The following SCARB2 variants were observed in gnomAD, a reference collection of about 807,000 sequenced individuals.
The protein encoded by SCARB2 is scavenger receptor class B member 2.
Under a neutral mutation model 58.6 loss-of-function variants are expected in SCARB2, and 29 were observed. The observed-to-expected ratio is 0.49, with a 90% CI of 0.37 to 0.67. SCARB2 has a LOEUF of 0.67. Ranked by LOEUF, SCARB2 falls within the 30% of genes least tolerant of loss-of-function variation. The probability of loss-of-function intolerance (pLI) is 0.00; values close to 1 mark genes in which losing one functional copy is unlikely to be tolerated. For synonymous variants in SCARB2, 195 were observed against 210.1 expected, an observed-to-expected ratio of 0.93 and a Z score of 0.62; for missense variants, 488 against 578.5, an observed-to-expected ratio of 0.84 and a Z score of 1.60.
intron 1 of SCARB2, among the ~76,000 whole-genome samples, chr4:76,208,615 G>T (rs1448714029): frequency 6.6e-6 from 1 of 152,208 alleles, no homozygotes; most frequent in Non-Finnish European, 1.5e-5. Flanking sequence ...AGGAAAAAGT[G>T]GGAGGCAGAG....
At chr4:76,180,725 CA>C (rs1204226785) in intron 3 of SCARB2, 18 of 295,482 alleles carry the variant, frequency 6.1e-5, no homozygotes, top group Non-Finnish European at 9.2e-5. Context: ...ATTATGAAAA[CA>C]AATCCTAAAA....
At chr4:76,218,858 T>C (rs1196100584) in intron 1 of SCARB2, among the ~76,000 whole-genome samples, 2 of 152,178 alleles carry the variant, frequency 1.3e-5, no homozygotes, top group African/African-American at 4.8e-5. Flanking sequence ...TCAGCAATAT[T>C]ATCTGCTACT....
At position 76,166,235 on chromosome 4, in the gene SCARB2, C is replaced by T. The variant is rs778631236; in HGVS notation, c.1239+15G>A. 18 of 1,613,678 alleles carry T rather than the reference C, an allele frequency of 1.1e-5. No individual in the cohort carries two copies. Among genetic ancestry groups the T allele is most frequent in the East Asian group, 1.1e-4 (5 of 44,886 alleles). The stretch of plus-strand genomic sequence containing the variant: ...GTCTGAAAACACCCGTGGCTCCCTC[C>T]GTCTCAGGACTTACCTCATTGAGGT... On this transcript the variant is annotated intron_variant, in intron 10 of 11. Transcript: ENST00000264896.
chr4:76,196,774 G>A (rs75062599), intron 1 of SCARB2, among the ~76,000 whole-genome samples: 3,506 of 152,254 alleles, frequency 0.023, 121 homozygotes, highest in African/African-American at 0.08. Flanking sequence ...AGCTGACAAT[G>A]GAGACTGCAC....
chr4:76,195,631 T>C (rs1732695014), intron 2 of SCARB2, 76 bp downstream of exon 2: 4 of 1,291,838 alleles, frequency 3.1e-6, no homozygotes, highest in South Asian at 1.2e-5. Context: ...GCCTTGCTCC[T>C]GGGAAGAGGC....
At chr4:76,183,229 T>C (rs1732420907) in intron 2 of SCARB2, among the ~76,000 whole-genome samples, 1 of 152,220 alleles carries the variant, frequency 6.6e-6, no homozygotes, top group Non-Finnish European at 1.5e-5. Context: ...GTGTGGCGTT[T>C]TCTCTGCACC....
chr4:76,233,723 A>T (rs1312350800), intron 1 of SCARB2, among the ~76,000 whole-genome samples: 6 of 152,128 alleles, frequency 3.9e-5, no homozygotes, highest in African/African-American at 1.4e-4. Context: ...CAACCACAGC[A>T]GGCTCATCCC....
rs141716279 is a variant in SCARB2 at position 76,204,905 on chromosome 4, A to G, written c.117+8522T>C. 3.7e-4 allele frequency among the ~76,000 whole-genome samples: 57 copies of G among 152,314 alleles called. No individual in the cohort carries two copies. In the East Asian group the frequency reaches 0.011, roughly 29 times the overall value. The stretch of plus-strand genomic sequence containing the variant: ...ATCAGAAGTACAGTGTTAAAAGAAA[A>G]TATCCTTAAAATGGGAATTGTGGGC... On this transcript the variant is annotated intron_variant, in intron 1 of 11. Transcript: ENST00000264896.
chr4:76,172,938 G>A (rs1732162506), intron 7 of SCARB2: 1 of 152,186 alleles, frequency 6.6e-6, no homozygotes, highest in Admixed American at 6.5e-5. Flanking sequence ...GCCCAAGAGG[G>A]AATCACAGGG....
At chr4:76,198,837 AGTGAGTGTGTGT>A (rs1005413261) in intron 1 of SCARB2, among the ~76,000 whole-genome samples, 9 of 130,940 alleles carry the variant, frequency 6.9e-5, no homozygotes, top group East Asian at 2.7e-4. Context: ...CTGGAGAGTG[AGTGAGTGTGTGT>A]GTGTGTGTGT....
intron 7 of SCARB2, among the ~76,000 whole-genome samples, chr4:76,170,290 A>G (rs1296115264): frequency 6.6e-6 from 1 of 152,172 alleles, no homozygotes; most frequent in Non-Finnish European, 1.5e-5. Context: ...ACATTATTTT[A>G]TTTAATGCTC....
chr4:76,231,436 T>G (rs547433661), intron 1 of SCARB2, among the ~76,000 whole-genome samples: 1 of 152,318 alleles, frequency 6.6e-6, no homozygotes, highest in African/African-American at 2.4e-5. Context: ...AGGTAAAAAC[T>G]TAAAAACAAC....
At chr4:76,231,605 T>G (rs1431923044) in intron 1 of SCARB2, among the ~76,000 whole-genome samples, 1 of 152,252 alleles carries the variant, frequency 6.6e-6, no homozygotes, top group Non-Finnish European at 1.5e-5. Context: ...TTGGCCTGAT[T>G]ATTTGCATAA....
At chr4:76,176,670 C>A in intron 4 of SCARB2, 142 bp from the exon 5 acceptor site, 1 of 635,960 alleles carries the variant, frequency 1.6e-6, no homozygotes, top group Non-Finnish European at 2.8e-6. Context: ...TTAATATCTA[C>A]AATCCGTTAA....
upstream of SCARB2, among the ~76,000 whole-genome samples, chr4:76,217,327 G>A (rs1357120384): frequency 6.6e-6 from 1 of 152,200 alleles, no homozygotes; most frequent in East Asian, 1.9e-4. Context: ...TGACTTCTCT[G>A]CTATGGTTTG....
In SCARB2 at chr4:76,161,743, C is replaced by T. The variant is rs144878666; in HGVS notation, c.1407G>A (p.Ala469=). The T allele has an allele frequency of 3.7e-5, 59 of 1,614,128 alleles. 1 individual carries two copies. The African/African-American group carries it at 4.0e-4, about 11-fold the overall frequency. ...KGQGSMDEGT[A]DERAPLIRT ...TTCGAATGAGGGGTGCTCTTTCATC[C>T]GCTGTTCCCTGAAACACAGAAGAGA... The change falls in exon 12 of 12, where the codon GCG becomes GCA. Residue 469 remains alanine (A), a synonymous_variant. Transcript: ENST00000264896.
In SCARB2 at chr4:76,233,527, TTGTC is replaced by T. The variant is rs1017926634; in HGVS notation, c.-358+772_-358+775del. On this transcript the variant is annotated intron_variant, in intron 1 of 11. Coordinates refer to the SCARB2 transcript ENST00000638295. ...TTAAAAAAATATTAGATCTGAGCAC[TTGTC>T]TTTCTTTAGGCCAAATTAATTAGAG... Among the ~76,000 whole-genome samples, 83 of 152,230 alleles carry T rather than the reference TTGTC, an allele frequency of 5.5e-4. 1 individual carries two copies. Among genetic ancestry groups the T allele is most frequent in the African/African-American group, 2.0e-3 (81 of 41,516 alleles).
chr4:76,162,731 C>T (rs1229168579), intron 11 of SCARB2: 1 of 195,238 alleles, frequency 5.1e-6, no homozygotes, highest in Non-Finnish European at 1.1e-5. Flanking sequence ...TATGCTAACA[C>T]TGGGCCAAGT....
chr4:76,175,195 A>G (rs1309709947), intron 6 of SCARB2: 1 of 153,238 alleles, frequency 6.5e-6, no homozygotes, highest in Admixed American at 6.5e-5. Flanking sequence ...TCTGCCACTT[A>G]GACAAATAAA....
Sources: gnomAD v4.1 joint callset for allele counts (sites outside exome capture counted in the v4.1 genomes callset) on GRCh38, gnomAD v4.1.1 for gene constraint, MANE v1.5 for transcripts, NCBI Gene and HGNC (gene_info 2026-07-23, HGNC 2026-07-21) for gene names.